The following SHANK2 variants were observed in gnomAD, a reference collection of about 807,000 sequenced individuals.
The protein encoded by SHANK2 is SH3 and multiple ankyrin repeat domains protein 2.
In SHANK2, 43 loss-of-function variants were observed where a neutral mutation model predicts 133.7. The ratio of observed to expected loss-of-function variants is 0.32; its 90% CI spans 0.25 to 0.41. The LOEUF (loss-of-function observed/expected upper bound fraction) is 0.41, where lower values mean the gene tolerates loss of function less well. Among genes scored for constraint, SHANK2 ranks in the 10% least tolerant of loss-of-function variants. SHANK2 has a pLI of 1.00. For synonymous variants in SHANK2, 1,017 were observed against 952.8 expected, an observed-to-expected ratio of 1.07 and a Z score of -1.24; for missense variants, 1,994 against 2,235.8, an observed-to-expected ratio of 0.89 and a Z score of 2.18.
chr11:70,874,167 T>C (rs1479774790), intron 11 of SHANK2, among the ~76,000 whole-genome samples: 1 of 152,246 alleles, frequency 6.6e-6, no homozygotes, highest in Admixed American at 6.5e-5. Context: ...ATCTAATCTA[T>C]CTACCTACCT....
chr11:70,823,503 C>T (rs1948583657), intron 11 of SHANK2, among the ~76,000 whole-genome samples: 1 of 138,514 alleles, frequency 7.2e-6, no homozygotes, highest in Non-Finnish European at 1.5e-5. Context: ...GTGGCATTGG[C>T]AGAACTCATG....
intron 2 of SHANK2, among the ~76,000 whole-genome samples, chr11:71,212,846 C>T (rs571907776): frequency 5.3e-5 from 8 of 152,114 alleles, no homozygotes; most frequent in South Asian, 4.2e-4. Context: ...GTAACCAGGT[C>T]GGAACAGCAG....
chr11:70,672,893 C>G (rs1198878952), intron 15 of SHANK2, among the ~76,000 whole-genome samples: 2 of 152,230 alleles, frequency 1.3e-5, no homozygotes, highest in Non-Finnish European at 2.9e-5. Flanking sequence ...CTAGTCCTGG[C>G]TCTGGCAAGA....
chr11:70,860,764 C>T (rs782082827), intron 11 of SHANK2, among the ~76,000 whole-genome samples: 3 of 152,196 alleles, frequency 2.0e-5, no homozygotes. Context: ...CCTGTAGTCC[C>T]TGCACTTTGG....
chr11:71,063,713 T>C (rs1282777871), intron 9 of SHANK2, among the ~76,000 whole-genome samples: 2 of 152,216 alleles, frequency 1.3e-5, no homozygotes, highest in African/African-American at 4.8e-5. Flanking sequence ...CAGGTCTTTA[T>C]CCTTTTAAAT....
At chr11:70,784,965 C>T (rs1228894528) in intron 14 of SHANK2, among the ~76,000 whole-genome samples, 1 of 152,246 alleles carries the variant, frequency 6.6e-6, no homozygotes, top group Non-Finnish European at 1.5e-5. Flanking sequence ...ACACGAGGTG[C>T]CACTTTCAGC....
chr11:71,203,623 C>T (rs1253147392), intron 2 of SHANK2, among the ~76,000 whole-genome samples: 4 of 152,144 alleles, frequency 2.6e-5, no homozygotes, highest in South Asian at 2.1e-4. Flanking sequence ...GAAAGAAAGA[C>T]GGGGTCCTTA....
chr11:70,648,420 C>A (rs781875823), intron 17 of SHANK2, among the ~76,000 whole-genome samples: 3 of 152,192 alleles, frequency 2.0e-5, no homozygotes, highest in Non-Finnish European at 4.4e-5. Flanking sequence ...CCTTGTTATG[C>A]GGACACTGTC....
intron 15 of SHANK2, among the ~76,000 whole-genome samples, chr11:70,697,312 C>T (rs1358912404): frequency 7.9e-5 from 12 of 152,096 alleles, no homozygotes; most frequent in Admixed American, 4.6e-4. Context: ...AAATTGGGGG[C>T]GGGGAAGGAA....
intron 10 of SHANK2, among the ~76,000 whole-genome samples, chr11:70,946,954 G>T (rs1176987461): frequency 6.9e-6 from 1 of 145,930 alleles, no homozygotes; most frequent in Non-Finnish European, 1.5e-5. Context: ...CTCTTCCCCA[G>T]GCTCACCCTC....
rs111486753 is a variant in SHANK2, at chr11:70,842,604, C to A, written c.1175-21922G>T. Among the ~76,000 whole-genome samples, 760 of 152,330 alleles carry A rather than the reference C, an allele frequency of 5.0e-3. 7 individuals are homozygous for A. Among genetic ancestry groups the A allele is most frequent in the African/African-American group, 0.018 (729 of 41,574 alleles). On this transcript the variant is annotated intron_variant, in intron 11 of 25. Coordinates refer to ENST00000601538, the MANE Select transcript of SHANK2 (RefSeq NM_012309.5). The stretch of plus-strand genomic sequence containing the variant: ...AGCAGCCCTGCACCGTGAGCTCCTG[C>A]CCTGGAGCGAGCATGAGCCTCAGCC...
chr11:70,719,336 A>G (rs1296469169), intron 14 of SHANK2, among the ~76,000 whole-genome samples: 5 of 152,168 alleles, frequency 3.3e-5, no homozygotes, highest in African/African-American at 1.2e-4. Flanking sequence ...TGGGGCTAGA[A>G]CCCAGCGCTG....
At chr11:70,597,353 G>C (rs929289530) in intron 17 of SHANK2, among the ~76,000 whole-genome samples, 17 of 152,144 alleles carry the variant, frequency 1.1e-4, no homozygotes. Context: ...AGTAGACACA[G>C]GAAACCTGGA....
chr11:70,659,775 C>T (rs2061457358), intron 17 of SHANK2, 53 bp downstream of exon 17: 9 of 1,611,128 alleles, frequency 5.6e-6, no homozygotes, highest in Non-Finnish European at 6.8e-6. Context: ...GACCCTCTCC[C>T]CGAGAGTCGG....
intron 6 of SHANK2, among the ~76,000 whole-genome samples, chr11:71,109,513 C>T (rs1406629602): frequency 5.3e-5 from 8 of 152,226 alleles, no homozygotes; most frequent in African/African-American, 2.4e-5. Context: ...ATGTGGTTTC[C>T]AGCAGGGGAA....
At chr11:71,163,093 A>AAAACATATATATATATATATATAGAT in intron 2 of SHANK2, among the ~76,000 whole-genome samples, 1 of 84,678 alleles carries the variant, frequency 1.2e-5, no homozygotes, top group African/African-American at 4.6e-5. Context: ...AAAAAAAAAA[A>AAAACATATATATATATATATATAGAT]ATACATATAT....
At chr11:70,764,245 GCATCCATCCATC>G (rs782104708) in intron 14 of SHANK2, among the ~76,000 whole-genome samples, 2 of 114,772 alleles carry the variant, frequency 1.7e-5, no homozygotes, top group Non-Finnish European at 3.6e-5. Flanking sequence ...ACCCACCCAT[GCATCCATCCATC>G]CATCCATCCA....
chr11:70,527,732 T>C (rs561006277), intron 17 of SHANK2, among the ~76,000 whole-genome samples: 1 of 152,294 alleles, frequency 6.6e-6, no homozygotes, highest in South Asian at 2.1e-4. Context: ...TCCGAGGTCA[T>C]GGAGAAGGCC....
At chr11:71,195,585 C>T (rs1439607601) in intron 2 of SHANK2, among the ~76,000 whole-genome samples, 1 of 151,996 alleles carries the variant, frequency 6.6e-6, no homozygotes, top group Non-Finnish European at 1.5e-5. Flanking sequence ...ATTTACATAC[C>T]CGAAACAGAG....
Sources: gnomAD v4.1 joint callset for allele counts (sites outside exome capture counted in the v4.1 genomes callset) on GRCh38, gnomAD v4.1.1 for gene constraint, MANE v1.5 for transcripts, NCBI Gene and HGNC (gene_info 2026-07-23, HGNC 2026-07-21) for gene names.